The following SH2D4B variants were observed in gnomAD, a reference collection of about 807,000 sequenced individuals.
The protein encoded by SH2D4B is SH2 domain containing 4B.
Under a neutral mutation model 61.5 loss-of-function variants are expected in SH2D4B, and 45 were observed. The observed-to-expected ratio is 0.73, with a 90% confidence interval of 0.58 to 0.94. The LOEUF (loss-of-function observed/expected upper bound fraction) is 0.94. Among genes scored for constraint, SH2D4B ranks in the 40% least tolerant of loss-of-function variants. SH2D4B has a pLI of 0.00. For missense variants in SH2D4B, 572 were observed against 574.2 expected (o/e 1.00, Z 0.04); for synonymous variants, 224 against 220.4 (o/e 1.02, Z -0.14).
intron 1 of SH2D4B, among the ~76,000 whole-genome samples, chr10:80,547,510 G>T (rs1841694508): frequency 1.3e-5 from 2 of 152,010 alleles, no homozygotes; most frequent in African/African-American, 2.4e-5. Context: ...TGTAGCTGTT[G>T]TTCACAACCC....
chr10:80,567,632 C>T (rs745763914), intron 1 of SH2D4B, among the ~76,000 whole-genome samples: 13 of 152,196 alleles, frequency 8.5e-5, no homozygotes, highest in Non-Finnish European at 1.6e-4. Context: ...AAGTGGAGAA[C>T]GTGAGAGCCA....
intron 3 of SH2D4B, among the ~76,000 whole-genome samples, chr10:80,578,097 A>G (rs1842147814): frequency 6.6e-6 from 1 of 151,904 alleles, no homozygotes; most frequent in South Asian, 2.1e-4. Context: ...CAGCCCCCCA[A>G]GTAGCTGGGA....
intron 1 of SH2D4B, among the ~76,000 whole-genome samples, chr10:80,544,855 C>T (rs1023813351): frequency 6.6e-6 from 1 of 152,246 alleles, no homozygotes; most frequent in African/African-American, 2.4e-5. Context: ...TTTGCTGGCA[C>T]CTGCCCACCT....
intron 5 of SH2D4B, among the ~76,000 whole-genome samples, chr10:80,606,702 C>T (rs34023636): frequency 0.15 from 22,573 of 152,072 alleles, 3,111 homozygotes; most frequent in African/African-American, 0.36. Flanking sequence ...TAGAAAATTC[C>T]TGAAAATTTA....
At chr10:80,602,896 A>G (rs944493283) in intron 4 of SH2D4B, among the ~76,000 whole-genome samples, 3 of 152,138 alleles carry the variant, frequency 2.0e-5, no homozygotes, top group African/African-American at 7.2e-5. Context: ...CGGGGTGGAA[A>G]GAACAGTGTG....
At chr10:80,570,450 C>A in intron 2 of SH2D4B, 134 bp downstream of exon 2, 4 of 1,157,806 alleles carry the variant, frequency 3.5e-6, no homozygotes, top group Non-Finnish European at 4.8e-6. Context: ...AAACTCCTGA[C>A]CTCAGGTGAG....
chr10:80,559,437 A>T lies in SH2D4B; in HGVS notation c.185-10717A>T, dbSNP rs749379113. On this transcript the variant is annotated intron_variant, in intron 1 of 7. Coordinates refer to ENST00000646907, the MANE Select transcript of SH2D4B (RefSeq NM_001388272.1). ...TATTTAAACAATTCAGATTCAGTTG[A>T]GACCTACTTTGGTGCCTTTCTACAA... Among the ~76,000 whole-genome samples, 7 of 152,278 alleles carry T rather than the reference A, an allele frequency of 4.6e-5. No individual in the cohort carries two copies. In the South Asian group the frequency reaches 1.2e-3, roughly 27 times the overall value.
chr10:80,588,077 G>A (rs1189146183), intron 3 of SH2D4B, among the ~76,000 whole-genome samples: 4 of 152,096 alleles, frequency 2.6e-5, no homozygotes, highest in African/African-American at 9.7e-5. Flanking sequence ...TACTGCTTGC[G>A]GCACAGAAAG....
At chr10:80,637,049 T>C (rs377367089) in intron 7 of SH2D4B, among the ~76,000 whole-genome samples, 1 of 152,136 alleles carries the variant, frequency 6.6e-6, no homozygotes, top group Non-Finnish European at 1.5e-5. Flanking sequence ...ATAGGGAATC[T>C]TTTCCCCATT....
chr10:80,626,837 G>T (rs1842772443), intron 6 of SH2D4B, among the ~76,000 whole-genome samples: 1 of 152,186 alleles, frequency 6.6e-6, no homozygotes, highest in Non-Finnish European at 1.5e-5. Context: ...AGACAACATG[G>T]TATAGAACAG....
At chr10:80,587,172 G>A (rs566253028) in intron 3 of SH2D4B, among the ~76,000 whole-genome samples, 70 of 123,240 alleles carry the variant, frequency 5.7e-4, no homozygotes, top group Admixed American at 3.6e-3. Context: ...TTTTTTTGGA[G>A]ACGCCCAGGC....
intron 3 of SH2D4B, among the ~76,000 whole-genome samples, chr10:80,585,620 G>T (rs962836001): frequency 6.6e-6 from 1 of 152,140 alleles, no homozygotes; most frequent in Non-Finnish European, 1.5e-5. Flanking sequence ...CAGCCAGGAT[G>T]GCAGAGTCCT....
chr10:80,602,161 G>A (rs1842457414), intron 4 of SH2D4B, among the ~76,000 whole-genome samples: 1 of 152,162 alleles, frequency 6.6e-6, no homozygotes, highest in African/African-American at 2.4e-5. Context: ...TCCTTGAGGA[G>A]CACAAAAAGA....
chr10:80,574,500 T>TACC (rs1488542887), intron 3 of SH2D4B, among the ~76,000 whole-genome samples: 1 of 152,310 alleles, frequency 6.6e-6, no homozygotes, highest in East Asian at 1.9e-4. Context: ...AATAAGATTG[T>TACC]ACCCATTATT....
At chr10:80,615,207 C>G (rs1370577160) in intron 6 of SH2D4B, among the ~76,000 whole-genome samples, 2 of 152,246 alleles carry the variant, frequency 1.3e-5, no homozygotes, top group Non-Finnish European at 2.9e-5. Context: ...TGCTGCCATG[C>G]AGTCCTGCAT....
At chr10:80,590,976 T>C (rs980999540) in intron 4 of SH2D4B, among the ~76,000 whole-genome samples, 9 of 150,884 alleles carry the variant, frequency 6.0e-5, no homozygotes, top group African/African-American at 7.3e-5. Flanking sequence ...TTGTGCTAAG[T>C]GAAGTCAGAC....
intron 6 of SH2D4B, among the ~76,000 whole-genome samples, chr10:80,611,033 G>T (rs1206806645): frequency 1.3e-5 from 2 of 151,990 alleles, no homozygotes; most frequent in Non-Finnish European, 2.9e-5. Flanking sequence ...AAATTAGCCA[G>T]GTGTGGTGGC....
intron 7 of SH2D4B, among the ~76,000 whole-genome samples, chr10:80,637,408 T>G (rs1189030709): frequency 6.6e-6 from 1 of 152,248 alleles, no homozygotes; most frequent in East Asian, 1.9e-4. Flanking sequence ...TATTGATTCT[T>G]TCTATCCATG....
chr10:80,610,559 G>A (rs546613147), intron 6 of SH2D4B, among the ~76,000 whole-genome samples: 3 of 152,164 alleles, frequency 2.0e-5, no homozygotes, highest in Non-Finnish European at 2.9e-5. Flanking sequence ...TTAATGCTTG[G>A]TGAGGTCAGG....
Sources: allele counts gnomAD v4.1 joint callset (sites outside exome capture counted in the v4.1 genomes callset), GRCh38; gene constraint gnomAD v4.1.1; transcripts MANE v1.5; gene names NCBI Gene and HGNC (gene_info 2026-07-23, HGNC 2026-07-21).